C4orf50: variants seen among roughly 807,000 people sequenced by gnomAD.
The protein encoded by C4orf50 is chromosome 4 open reading frame 50.
C4orf50 carries 80 observed loss-of-function variants against 77.2 expected under a neutral mutation model. That is an observed-to-expected ratio of 1.04 (90% CI 0.87 to 1.25). The LOEUF is 1.25. Ranked by LOEUF, C4orf50 falls within the 50% of genes most tolerant of loss-of-function variation. C4orf50 has a pLI of 0.00. For synonymous variants in C4orf50, 532 were observed against 465.3 expected (o/e 1.14, Z -1.84); for missense variants, 1,257 against 1,152.9 (o/e 1.09, Z -1.31).
chr4:5,966,214 G>A (rs1168683604), intron 32 of C4orf50, among the ~76,000 whole-genome samples: 1 of 152,196 alleles, frequency 6.6e-6, no homozygotes, highest in East Asian at 1.9e-4. Context: ...AGTGGCTCAT[G>A]CCTGTAATCC....
chr4:5,990,066 T>C, exon 28 of C4orf50: 1 of 1,343,972 alleles, frequency 7.4e-7, no homozygotes. Context: ...CATTCTCTGA[T>C]GACAGTCCTC....
intron 7 of C4orf50, among the ~76,000 whole-genome samples, chr4:5,951,449 A>T (rs1718713335): frequency 6.6e-6 from 1 of 152,156 alleles, no homozygotes; most frequent in Non-Finnish European, 1.5e-5. Context: ...GACAGATCTG[A>T]TACTGGTATC....
rs1038144717 is a variant in C4orf50, at chr4:6,011,814, G to C, written c.426+16C>G. On this transcript the variant is annotated intron_variant, in intron 24 of 33. Coordinates refer to ENST00000531445, the Ensembl canonical transcript of C4orf50. The surrounding 1 kb of genome is among the most constrained non-coding windows in gnomAD (Gnocchi z 4.2). ...TGGACAGGAAACAGGGCCTGGAAAG[G>C]AGAAGGAAACGGTACCTGGCTGGCC... 27 of 399,156 alleles carry C rather than the reference G, an allele frequency of 6.8e-5. No individual in the cohort carries two copies. The highest frequency in any genetic ancestry group is 5.3e-4 in the African/African-American group (26 of 48,768). The allele number at this position is 399,156 out of a possible 1,614,324, so 24.7% of individuals were successfully genotyped here. A position where few individuals can be genotyped will look rare whatever the true frequency, so the allele number is the denominator to read the frequency against.
chr4:5,974,872 C>T (rs1720161768), intron 30 of C4orf50, among the ~76,000 whole-genome samples: 1 of 152,128 alleles, frequency 6.6e-6, no homozygotes, highest in Non-Finnish European at 1.5e-5. Flanking sequence ...GGTACGGTGG[C>T]TCATGCCTGT....
rs138214246 is a variant in C4orf50 at position 5,925,364 on chromosome 4, A to C, written c.*2475-27176T>G. 3.1e-3 allele frequency among the ~76,000 whole-genome samples: 469 copies of C among 152,320 alleles called. 3 individuals are homozygous for C. Among genetic ancestry groups the C allele is most frequent in the African/African-American group, 0.011 (446 of 41,588 alleles). The stretch of plus-strand genomic sequence containing the variant: ...CTCTTCGCAAAGGACCATTCCAGGC[A>C]GGGAGGCATGGGGAGCCCTGAAGCT... On this transcript the variant is annotated intron_variant, in intron 7 of 7. Coordinates refer to the C4orf50 transcript ENST00000324058.
chr4:5,994,881 C>A (rs1721496334), intron 25 of C4orf50, among the ~76,000 whole-genome samples: 2 of 152,222 alleles, frequency 1.3e-5, no homozygotes, highest in South Asian at 4.2e-4. Flanking sequence ...CTGAGCTCCG[C>A]CTCCTGTCAG....
chr4:5,991,205 TCCC>T (rs953152485), intron 27 of C4orf50, among the ~76,000 whole-genome samples: 12 of 152,224 alleles, frequency 7.9e-5, no homozygotes, highest in African/African-American at 2.9e-4. Flanking sequence ...ATCATCTAAC[TCCC>T]CCTATAGCCC....
At chr4:5,984,850 TA>T (rs138298932) in intron 28 of C4orf50, among the ~76,000 whole-genome samples, 25,089 of 141,284 alleles carry the variant, frequency 0.18, 2,163 homozygotes, top group Middle Eastern at 0.23. Flanking sequence ...TTCAAGAAGC[TA>T]AAAAAAAAAA....
intron 23 of C4orf50, among the ~76,000 whole-genome samples, chr4:6,012,469 C>T (rs992194207): frequency 6.6e-6 from 1 of 152,172 alleles, no homozygotes; most frequent in African/African-American, 2.4e-5. Flanking sequence ...TCTGCTGTCT[C>T]CCGTTTTAGC....
intron 25 of C4orf50, among the ~76,000 whole-genome samples, chr4:6,004,400 TGATGGA>T (rs1722135618): frequency 9.4e-6 from 1 of 106,878 alleles, no homozygotes; most frequent in Non-Finnish European, 1.9e-5. Flanking sequence ...GTGGTGATGG[TGATGGA>T]GATGTTGGTG....
chr4:5,945,637 T>C (rs1718448156), intron 7 of C4orf50, among the ~76,000 whole-genome samples: 1 of 152,188 alleles, frequency 6.6e-6, no homozygotes, highest in Non-Finnish European at 1.5e-5. Context: ...GGGTGAGGCC[T>C]GCCCAAGGAG....
At position 5,901,219 on chromosome 4, in the gene C4orf50, G is replaced by A. The variant is rs1021597246; in HGVS notation, c.*2475-3031C>T. 2 of 152,160 alleles carry A rather than the reference G, an allele frequency of 1.3e-5. No individual in the cohort carries two copies. Among genetic ancestry groups the A allele is most frequent in the Admixed American group, 1.3e-4 (2 of 15,284 alleles). The allele number at this position is 152,160 out of a possible 1,614,324, so 9.4% of individuals were successfully genotyped here. ...AAATTGTCATATGACAGATCACCTT[G>A]TTCATAATGGCACACAGTAGGTGTA... On this transcript the variant is annotated intron_variant, in intron 7 of 7. Transcript: ENST00000324058. The surrounding 1 kb of genome is among the most constrained non-coding windows in gnomAD (Gnocchi z 4.4).
rs1439724886 is a variant in C4orf50 at position 6,007,018 on chromosome 4, A to G, written c.963+978T>C. Among the ~76,000 whole-genome samples, 1 of 152,222 alleles carries G rather than the reference A, an allele frequency of 6.6e-6. No individual in the cohort carries two copies. Among genetic ancestry groups the G allele is most frequent in the African/African-American group, 2.4e-5 (1 of 41,450 alleles). The stretch of plus-strand genomic sequence containing the variant: ...GCACATATGAGTCCCATGGCACAGC[A>G]TGTTGAAGATTTTGTCTAGCGCAGG... On this transcript the variant is annotated intron_variant, in intron 25 of 33. Transcript: ENST00000531445. This position sits in a 1 kb window ranked among gnomAD's most constrained non-coding sequence, Gnocchi z 4.1.
At chr4:5,989,271 C>A in exon 28 of C4orf50, 1 of 1,536,038 alleles carries the variant, frequency 6.5e-7, no homozygotes, top group Non-Finnish European at 8.7e-7. Flanking sequence ...GCTGATGAAA[C>A]CTGCTCCTCA....
At chr4:6,004,080 GTGATAGTGA>G (rs1722039977) in intron 25 of C4orf50, among the ~76,000 whole-genome samples, 3 of 30,188 alleles carry the variant, frequency 9.9e-5, no homozygotes, top group Non-Finnish European at 1.9e-4. Context: ...TGGTGATGAT[GTGATAGTGA>G]TGATGGTGAT....
chr4:6,002,835 C>T (rs752432457), intron 25 of C4orf50, among the ~76,000 whole-genome samples: 2 of 152,240 alleles, frequency 1.3e-5, no homozygotes, highest in Non-Finnish European at 2.9e-5. Context: ...ACATCGGGGC[C>T]TCACTCCTTG....
At chr4:5,898,042 G>A (rs571244133) in exon 8 of C4orf50, 8 of 152,360 alleles carry the variant, frequency 5.3e-5, no homozygotes, top group African/African-American at 1.9e-4. Context: ...GCAACCGCAA[G>A]GTGTACAGTT....
intron 23 of C4orf50, among the ~76,000 whole-genome samples, chr4:6,013,792 C>A (rs952770391): frequency 2.0e-5 from 3 of 152,160 alleles, no homozygotes; most frequent in African/African-American, 7.2e-5. Context: ...GATTTCCCCT[C>A]CAGCCTCGGA....
intron 30 of C4orf50, among the ~76,000 whole-genome samples, chr4:5,975,590 C>A (rs894279868): frequency 2.0e-5 from 3 of 152,094 alleles, no homozygotes; most frequent in African/African-American, 7.2e-5. Context: ...CGGCTCACTG[C>A]AGCCTTGACC....
Sources: allele counts gnomAD v4.1 joint callset (sites outside exome capture counted in the v4.1 genomes callset), GRCh38; gene constraint gnomAD v4.1.1; non-coding constraint Gnocchi (gnomAD v3.1); transcripts MANE v1.5; gene names NCBI Gene and HGNC (gene_info 2026-07-23, HGNC 2026-07-21).